Variants in PKP1 observed in about 807,000 individuals in gnomAD.
PKP1 encodes plakophilin-1.
Under a neutral mutation model 76.4 loss-of-function variants are expected in PKP1, and 27 were observed. That is an observed-to-expected ratio of 0.35 (90% CI 0.26 to 0.49). PKP1 has a LOEUF of 0.49. Ranked by LOEUF, PKP1 falls within the 20% of genes least tolerant of loss-of-function variation. The probability of loss-of-function intolerance (pLI) is 0.99; values close to 1 mark genes in which losing one functional copy is unlikely to be tolerated. For missense variants in PKP1, 964 were observed against 955.2 expected, an observed-to-expected ratio of 1.01 and a Z score of -0.12; for synonymous variants, 404 against 384.2, an observed-to-expected ratio of 1.05 and a Z score of -0.60.
chr1:201,300,431 C>G (rs143712745), intron 2 of PKP1, among the ~76,000 whole-genome samples: 3 of 152,206 alleles, frequency 2.0e-5, no homozygotes, highest in Non-Finnish European at 4.4e-5. Flanking sequence ...GGGCTGAGCT[C>G]GGGGAGCTTC....
At chr1:201,311,067 G>A (rs1326826564) in intron 2 of PKP1, among the ~76,000 whole-genome samples, 1 of 152,244 alleles carries the variant, frequency 6.6e-6, no homozygotes, top group African/African-American at 2.4e-5. Flanking sequence ...TGACGTCCAG[G>A]CGTGTCGTTT....
intron 5 of PKP1, 50 bp downstream of exon 5, chr1:201,317,829 C>G (rs142982603): frequency 6.5e-7 from 1 of 1,533,628 alleles, no homozygotes; most frequent in Non-Finnish European, 8.9e-7. Flanking sequence ...TGCAAGGCCA[C>G]TGGCTATGGC....
chr1:201,316,579 G>A lies in PKP1; in HGVS notation c.728G>A (p.Ser243Asn), dbSNP rs1219867452. The A allele has an allele frequency of 6.2e-7, 1 of 1,610,962 alleles. No individual in the cohort carries two copies. The highest frequency in any genetic ancestry group is 8.5e-7 in the Non-Finnish European group (1 of 1,178,608). The change falls in exon 4 of 14, where the codon AGT becomes AAT. Residue 243 changes from serine to asparagine, a missense_variant. By Grantham distance (46) the Ser-to-Asn change is conservative. Coordinates refer to ENST00000367324, the MANE Select transcript of PKP1 (RefSeq NM_001005337.3). ...ATCTGCAGTGAGGACATCGAGTGCAGTGGGCTGACCATCCCCAAGGCTGTG... is the reference window on the plus strand; with the variant it reads ...ATCTGCAGTGAGGACATCGAGTGCAATGGGCTGACCATCCCCAAGGCTGTG... ...SKICSEDIEC[S>N]GLTIPKAVQY...
chr1:201,315,862 G>C (rs1656704541), intron 3 of PKP1, among the ~76,000 whole-genome samples: 2 of 152,156 alleles, frequency 1.3e-5, no homozygotes, highest in African/African-American at 4.8e-5. Context: ...CACTTATCTA[G>C]TAAAAAGGGT....
intron 2 of PKP1, among the ~76,000 whole-genome samples, chr1:201,303,298 A>C (rs1436844104): frequency 6.6e-6 from 1 of 152,168 alleles, no homozygotes; most frequent in Non-Finnish European, 1.5e-5. Context: ...AACTACAGGC[A>C]CGTGCCAGTT....
At chr1:201,287,199 C>A (rs925392911) in intron 1 of PKP1, among the ~76,000 whole-genome samples, 1 of 152,180 alleles carries the variant, frequency 6.6e-6, no homozygotes, top group East Asian at 1.9e-4. Context: ...CTCTATTTCT[C>A]TCTGATCAGA....
At chr1:201,324,810 A>G (rs1657061404) in intron 10 of PKP1, 131 bp from the exon 11 acceptor site, 2 of 1,066,636 alleles carry the variant, frequency 1.9e-6, no homozygotes, top group Non-Finnish European at 2.8e-6. Flanking sequence ...TGGAGCTGCC[A>G]GGAAGCCCTG....
At chr1:201,289,687 T>TGC (rs1655853694) in intron 1 of PKP1, among the ~76,000 whole-genome samples, 1 of 102,486 alleles carries the variant, frequency 9.8e-6, no homozygotes, top group South Asian at 2.9e-4. Flanking sequence ...CTGGGAGGAG[T>TGC]GCACACACAC....
chr1:201,312,815 G>A (rs896459802), intron 2 of PKP1, among the ~76,000 whole-genome samples: 1 of 152,180 alleles, frequency 6.6e-6, no homozygotes, highest in African/African-American at 2.4e-5. Flanking sequence ...CTTTAGGTAT[G>A]TCACGTATGT....
At chr1:201,308,320 G>C (rs963555137) in intron 2 of PKP1, among the ~76,000 whole-genome samples, 4 of 152,198 alleles carry the variant, frequency 2.6e-5, no homozygotes, top group African/African-American at 9.7e-5. Context: ...TCAGCATCCT[G>C]AATCTCCACC....
rs1162818839 is a variant in PKP1 at position 201,294,111 on chromosome 1, G to A, written c.306+66G>A. ...TGGGGATGGTTTGAGGTTTATAGTG[G>A]AGAAAACCGGCACCAGTTGCTAAAA... On this transcript the variant is annotated intron_variant, in intron 2 of 13. Coordinates refer to ENST00000367324, the MANE Select transcript of PKP1 (RefSeq NM_001005337.3). 1.9e-5 allele frequency: 21 copies of A among 1,077,594 alleles called. No individual in the cohort carries two copies. In the East Asian group the frequency reaches 5.0e-4, roughly 26 times the overall value. The allele number at this position is 1,077,594 out of a possible 1,614,324, so 66.8% of individuals were successfully genotyped here.
intron 5 of PKP1, 60 bp downstream of exon 5, chr1:201,317,839 C>T: frequency 2.0e-5 from 30 of 1,503,048 alleles, no homozygotes; most frequent in Non-Finnish European, 2.7e-5. Flanking sequence ...CTGGCTATGG[C>T]CCCAGGCTGG....
chr1:201,320,198 C>G, intron 6 of PKP1, 69 bp from the exon 7 acceptor site: 1 of 991,036 alleles, frequency 1.0e-6, no homozygotes, highest in Non-Finnish European at 1.6e-6. Flanking sequence ...ACCACACTCT[C>G]TTGTCCCCAC....
At position 201,323,020 on chromosome 1, in the gene PKP1, A is replaced by T; in HGVS notation, c.1511A>T (p.Asn504Ile). 2 of 1,613,936 alleles carry T rather than the reference A, an allele frequency of 1.2e-6. No homozygotes were observed. The highest frequency in any genetic ancestry group is 1.7e-6 in the Non-Finnish European group (2 of 1,179,958). ...CCGGCTCTTTATCCTCAGAACAACA[A>T]CTATGACTGCCCCCTGCCTGAGGAA... ...SNKSDKMMNN[N>I]YDCPLPEEET... is the part of the protein sequence containing the mutation. Residue 504 changes from asparagine to isoleucine, a missense_variant, in exon 9 of 14, where the codon AAC becomes ATC. Transcript: ENST00000367324.
chr1:201,318,767 GTCT>G lies in PKP1; in HGVS notation c.1210_1212del (p.Phe404del). The G allele has an allele frequency of 6.2e-7, 1 of 1,609,096 alleles. No individual in the cohort carries two copies. The highest frequency in any genetic ancestry group is 1.1e-5 in the South Asian group (1 of 90,212). The stretch of plus-strand genomic sequence containing the variant: ...GTCCCGGGAAGTGGTGGACCCTGAG[GTCT>G]TCTTCAATGCCACAGGCTGCTTGAG... On this transcript the variant is annotated inframe_deletion, in exon 6 of 14. Coordinates refer to ENST00000367324, the MANE Select transcript of PKP1 (RefSeq NM_001005337.3).
intron 1 of PKP1, among the ~76,000 whole-genome samples, chr1:201,292,254 A>G (rs1655940265): frequency 6.6e-6 from 1 of 152,064 alleles, no homozygotes; most frequent in African/African-American, 2.4e-5. Flanking sequence ...CACTATCATC[A>G]CACCACCACA....
At chr1:201,306,125 A>G (rs1011006986) in intron 2 of PKP1, among the ~76,000 whole-genome samples, 6 of 152,250 alleles carry the variant, frequency 3.9e-5, no homozygotes, top group African/African-American at 1.2e-4. Flanking sequence ...CTTGTTTCCA[A>G]ACCCATCCTA....
Position 201,320,047 on chromosome 1 carries a change from G to A in PKP1, c.1233-220G>A, listed in dbSNP as rs1628151. 0.19 allele frequency: 140,076 copies of A among 744,092 alleles called. 14,230 individuals are homozygous for A. The highest frequency in any genetic ancestry group is 0.23 in the East Asian group (8,840 of 37,728). The allele number at this position is 744,092 out of a possible 1,614,324, so 46.1% of individuals were successfully genotyped here. The stretch of plus-strand genomic sequence containing the variant: ...GGCTAAATGGTTTCTCTTTCCTTCC[G>A]TTTTCATCTTTTCCTCTCTTCATTC... On this transcript the variant is annotated intron_variant, in intron 6 of 13. Coordinates refer to ENST00000367324, the MANE Select transcript of PKP1 (RefSeq NM_001005337.3).
rs532890960 is a variant in PKP1, at chr1:201,324,580, G to A, written c.1833G>A (p.Met611Ile). 8.7e-6 allele frequency: 14 copies of A among 1,614,070 alleles called. No individual in the cohort carries two copies. The highest frequency in any genetic ancestry group is 1.7e-5 in the Admixed American group (1 of 60,010). ...MSRHPLLHRVMGNQVFPEVTR... is the reference protein window; with the variant it reads ...MSRHPLLHRVIGNQVFPEVTR... ...GCCACCCTCTGCTGCACAGAGTGAT[G>A]GGTAAGGTCCCTCTCTCTCCTCCCC... The change falls in exon 10 of 14, where the codon ATG becomes ATA. Residue 611 changes from methionine (M) to isoleucine (I), a missense_variant and splice_region_variant. By Grantham distance (10) the Met-to-Ile change is conservative. Coordinates refer to ENST00000367324, the MANE Select transcript of PKP1 (RefSeq NM_001005337.3).
Sources: allele counts gnomAD v4.1 joint callset (sites outside exome capture counted in the v4.1 genomes callset), GRCh38; gene constraint gnomAD v4.1.1; transcripts MANE v1.5; gene names NCBI Gene and HGNC (gene_info 2026-07-23, HGNC 2026-07-21).